VTA1: variants seen among roughly 807,000 people sequenced by gnomAD.
The protein encoded by VTA1 is vesicle trafficking 1.
VTA1 carries 24 observed loss-of-function variants against 36.9 expected under a neutral mutation model. The ratio of observed to expected loss-of-function variants is 0.65; its 90% CI spans 0.47 to 0.91. VTA1 has a LOEUF of 0.91. Ranked by LOEUF, VTA1 falls within the 40% of genes least tolerant of loss-of-function variation. The pLI, the probability that VTA1 is intolerant of heterozygous loss-of-function variation, is 0.00. For synonymous variants in VTA1, 142 were observed against 130.2 expected (o/e 1.09, Z -0.62); for missense variants, 393 against 377.2 (o/e 1.04, Z -0.35).
intron 1 of VTA1, among the ~76,000 whole-genome samples, chr6:142,153,461 A>G (rs1196045283): frequency 6.6e-6 from 1 of 151,954 alleles, no homozygotes; most frequent in Non-Finnish European, 1.5e-5. Context: ...CATAGGTCAT[A>G]TTATCATATG....
intron 7 of VTA1, among the ~76,000 whole-genome samples, chr6:142,212,773 A>G (rs1775928993): frequency 6.6e-6 from 1 of 152,132 alleles, no homozygotes; most frequent in African/African-American, 2.4e-5. Flanking sequence ...GGAGACAGAG[A>G]GGGAAGGGGG....
chr6:142,168,255 A>G (rs1274930672), intron 2 of VTA1, among the ~76,000 whole-genome samples: 1 of 152,100 alleles, frequency 6.6e-6, no homozygotes, highest in Non-Finnish European at 1.5e-5. Flanking sequence ...AATTACTGTT[A>G]TCTGTGGGGA....
intron 7 of VTA1, among the ~76,000 whole-genome samples, chr6:142,214,459 A>AAACCATCAGAT (rs1234424297): frequency 1.3e-5 from 2 of 152,112 alleles, no homozygotes; most frequent in Admixed American, 1.3e-4. Flanking sequence ...ACACACTTTT[A>AAACCATCAGAT]AACCATCAGA....
rs1321318681 is a variant in VTA1 at position 142,157,512 on chromosome 6, T to A, written c.113-8716T>A. ...TTTTATTTTGTAAAAATTATTTCTT[T>A]CCTTTTTGAGTAATGTCAACTCATT... On this transcript the variant is annotated intron_variant, in intron 1 of 7. Coordinates refer to ENST00000367630, the MANE Select transcript of VTA1 (RefSeq NM_016485.5). Among the ~76,000 whole-genome samples, 6 of 152,208 alleles carry A rather than the reference T, an allele frequency of 3.9e-5. No individual in the cohort carries two copies. The South Asian group carries it at 1.2e-3, about 32-fold the overall frequency.
At position 142,220,483 on chromosome 6, in the gene VTA1, A is replaced by G. The variant is rs1047707471; in HGVS notation, c.*1840A>G. On this transcript the variant is annotated 3_prime_UTR_variant, in exon 8 of 8. Coordinates refer to ENST00000367630, the MANE Select transcript of VTA1 (RefSeq NM_016485.5). ...CAGAGCCCTTCTCTGTAAAATGGAA[A>G]TGACACCACTAGCCATCTCAATAGT... is the stretch of plus-strand genomic sequence containing the variant. The G allele has an allele frequency of 6.6e-6, 1 of 152,104 alleles. No individual in the cohort carries two copies. The highest frequency in any genetic ancestry group is 2.4e-5 in the African/African-American group (1 of 41,430). 9.4% of individuals were successfully genotyped at this position (152,104 alleles called of 1,614,324 possible). A position where few individuals can be genotyped will look rare whatever the true frequency, so the allele number is the denominator to read the frequency against.
intron 6 of VTA1, among the ~76,000 whole-genome samples, chr6:142,200,975 A>G (rs901771419): frequency 6.6e-6 from 1 of 151,960 alleles, no homozygotes. Flanking sequence ...CTAAGCAATT[A>G]TTCTAAGAAA....
In VTA1 at chr6:142,218,925, C is replaced by T. The variant is rs1189154550; in HGVS notation, c.*282C>T. On this transcript the variant is annotated 3_prime_UTR_variant, in exon 8 of 8. Coordinates refer to ENST00000367630, the MANE Select transcript of VTA1 (RefSeq NM_016485.5). Reference sequence around the variant, plus strand: ...CCTGCTTCAAAAAATGAAAACACACCTCTATAAAATGTGTACTGGGAATAA... The same window carrying T: ...CCTGCTTCAAAAAATGAAAACACACTTCTATAAAATGTGTACTGGGAATAA... 4.3e-6 allele frequency: 1 copy of T among 231,566 alleles called. No individual in the cohort carries two copies. The highest frequency in any genetic ancestry group is 8.1e-6 in the Non-Finnish European group (1 of 122,906). The allele number at this position is 231,566 out of a possible 1,614,324, so 14.3% of individuals were successfully genotyped here.
intron 1 of VTA1, among the ~76,000 whole-genome samples, chr6:142,165,976 T>C (rs1200922043): frequency 6.7e-6 from 1 of 149,072 alleles, no homozygotes; most frequent in Non-Finnish European, 1.5e-5. Flanking sequence ...ACATACCTAG[T>C]CCTCTTTTTT....
At position 142,147,299 on chromosome 6, in the gene VTA1, T is replaced by A; in HGVS notation, c.12T>A (p.Leu4=). 6.2e-7 allele frequency: 1 copy of A among 1,614,194 alleles called. No homozygotes were observed. The highest frequency in any genetic ancestry group is 8.5e-7 in the Non-Finnish European group (1 of 1,180,034). ...AGTTCGGAGTAGAGATGGCCGCGCT[T>A]GCACCGCTGCCCCCGCTCCCCGCAC... is the stretch of plus-strand genomic sequence containing the variant. The part of the protein sequence containing the change: MAA[L]APLPPLPAQF... Residue 4 remains leucine, a synonymous_variant, in exon 1 of 8, where the codon CTT becomes CTA. Transcript: ENST00000367630.
intron 2 of VTA1, 86 bp downstream of exon 2, chr6:142,166,408 C>A (rs1282216729): frequency 2.0e-6 from 2 of 979,610 alleles, no homozygotes; most frequent in Non-Finnish European, 3.1e-6. Flanking sequence ...CATTTTAGTT[C>A]TTTCCCTTGG....
intron 6 of VTA1, among the ~76,000 whole-genome samples, chr6:142,203,047 C>A (rs962786936): frequency 6.6e-6 from 1 of 151,834 alleles, no homozygotes; most frequent in Non-Finnish European, 1.5e-5. Flanking sequence ...ACCAGAAGAA[C>A]TTTAGAACTT....
chr6:142,181,264 G>A (rs1775233020), intron 4 of VTA1, among the ~76,000 whole-genome samples: 1 of 146,960 alleles, frequency 6.8e-6, no homozygotes, highest in African/African-American at 2.5e-5. Flanking sequence ...CTCCTGAGTA[G>A]CTGGGACTAC....
chr6:142,194,223 T>C (rs1182262922), intron 5 of VTA1, among the ~76,000 whole-genome samples: 1 of 152,180 alleles, frequency 6.6e-6, no homozygotes, highest in Non-Finnish European at 1.5e-5. Flanking sequence ...ATCTGCTGAG[T>C]AACTCAATCT....
At chr6:142,215,755 A>G (rs561052066) in intron 7 of VTA1, among the ~76,000 whole-genome samples, 24 of 152,344 alleles carry the variant, frequency 1.6e-4, no homozygotes, top group Non-Finnish European at 2.6e-4. Context: ...TAAGTGTTCT[A>G]TCCTCTCTTA....
At chr6:142,198,726 C>A in intron 6 of VTA1, 111 bp downstream of exon 6, 3 of 1,031,422 alleles carry the variant, frequency 2.9e-6, no homozygotes, top group Non-Finnish European at 4.0e-6. Context: ...TGACAAGTTC[C>A]TTGAATTCCA....
intron 7 of VTA1, among the ~76,000 whole-genome samples, chr6:142,210,970 G>A (rs1310271472): frequency 6.6e-6 from 1 of 152,122 alleles, no homozygotes; most frequent in Admixed American, 6.5e-5. Flanking sequence ...TATACACAAT[G>A]GAATATTATT....
chr6:142,193,323 C>G (rs759895484), intron 5 of VTA1, among the ~76,000 whole-genome samples: 1 of 152,062 alleles, frequency 6.6e-6, no homozygotes, highest in Non-Finnish European at 1.5e-5. Flanking sequence ...TAACTGATCA[C>G]TTGGGTAATG....
chr6:142,151,090 G>A (rs530529273), intron 1 of VTA1, among the ~76,000 whole-genome samples: 2 of 152,224 alleles, frequency 1.3e-5, no homozygotes, highest in Middle Eastern at 3.4e-3. Context: ...GTGGATCTCC[G>A]AAGAGGGAGG....
chr6:142,194,904 A>G lies in VTA1; in HGVS notation c.521-3535A>G, dbSNP rs188105866. ...TGCTTTTTATGCACTTATTAAAATT[A>G]TCATAGGACTTTTTTTCTTCTGTTA... On this transcript the variant is annotated intron_variant, in intron 5 of 7. Coordinates refer to ENST00000367630, the MANE Select transcript of VTA1 (RefSeq NM_016485.5). Among the ~76,000 whole-genome samples, 86 of 152,250 alleles carry G rather than the reference A, an allele frequency of 5.6e-4. 1 individual carries two copies. In the East Asian group the frequency reaches 0.015, roughly 27 times the overall value.
Sources: gnomAD v4.1 joint callset for allele counts (sites outside exome capture counted in the v4.1 genomes callset) on GRCh38, gnomAD v4.1.1 for gene constraint, MANE v1.5 for transcripts, NCBI Gene and HGNC (gene_info 2026-07-23, HGNC 2026-07-21) for gene names.